The following PLEKHA6 variants were observed in gnomAD, a reference collection of about 807,000 sequenced individuals.
PLEKHA6 encodes the protein pleckstrin homology domain-containing family A member 6.
Under a neutral mutation model 116.7 loss-of-function variants are expected in PLEKHA6, and 60 were observed. The ratio of observed to expected loss-of-function variants is 0.51; its 90% CI spans 0.42 to 0.64. The LOEUF (loss-of-function observed/expected upper bound fraction) is 0.64, where lower values mean the gene tolerates loss of function less well. Ranked by LOEUF, PLEKHA6 falls within the 30% of genes least tolerant of loss-of-function variation. The pLI is 0.00. For missense variants in PLEKHA6, 1,338 were observed against 1,422.7 expected, an observed-to-expected ratio of 0.94 and a Z score of 0.96; for synonymous variants, 489 against 556.1, an observed-to-expected ratio of 0.88 and a Z score of 1.70.
intron 7 of PLEKHA6, among the ~76,000 whole-genome samples, chr1:204,260,912 C>G (rs937406630): frequency 1.3e-5 from 2 of 152,164 alleles, no homozygotes; most frequent in African/African-American, 4.8e-5. Context: ...AGGGTGAGTC[C>G]CTTGCACTGA....
intron 1 of PLEKHA6, chr1:204,311,520 C>T (rs1671658255): frequency 4.6e-6 from 3 of 651,646 alleles, no homozygotes; most frequent in East Asian, 1.4e-4. Flanking sequence ...TCTGCTTCTA[C>T]TCATTGTTTC....
rs370455948 is a variant in PLEKHA6, at chr1:204,225,210, A to T, written c.3032-1625T>A. Among the ~76,000 whole-genome samples the T allele has an allele frequency of 5.9e-5, 9 of 152,332 alleles. No homozygotes were observed. The East Asian group carries it at 1.7e-3, about 29-fold the overall frequency. The stretch of plus-strand genomic sequence containing the variant: ...GAACATTTAGCATAGCTACAAACAG[A>T]TCTATGTCCATTGTGGCCCTAAGGG... On this transcript the variant is annotated intron_variant, in intron 21 of 22. Transcript: ENST00000272203.
At position 204,267,427 on chromosome 1, in the gene PLEKHA6, T is replaced by C. The variant is rs375344793; in HGVS notation, c.280+48A>G. ...GATATGGCAGAATGAGAAAGAGTAGTGGGTCCTGGCTTCCTGCCATCCCTG... is the reference window on the plus strand; with the variant it reads ...GATATGGCAGAATGAGAAAGAGTAGCGGGTCCTGGCTTCCTGCCATCCCTG... On this transcript the variant is annotated intron_variant, in intron 5 of 22. Transcript: ENST00000272203. The C allele has an allele frequency of 2.6e-6, 4 of 1,516,028 alleles. No homozygotes were observed. The Admixed American group carries it at 5.0e-5, about 19-fold the overall frequency. The allele number at this position is 1,516,028 out of a possible 1,614,324, so 93.9% of individuals were successfully genotyped here.
chr1:204,254,478 T>C (rs1424582350), intron 9 of PLEKHA6, among the ~76,000 whole-genome samples: 1 of 152,192 alleles, frequency 6.6e-6, no homozygotes, highest in Non-Finnish European at 1.5e-5. Context: ...GAGCATGAAC[T>C]CATCCTAATG....
intron 1 of PLEKHA6, among the ~76,000 whole-genome samples, chr1:204,282,301 C>T (rs545336018): frequency 3.3e-5 from 5 of 152,314 alleles, no homozygotes; most frequent in Admixed American, 3.3e-4. Context: ...TGACCTCCCA[C>T]CCTAGCTTGG....
intron 12 of PLEKHA6, among the ~76,000 whole-genome samples, chr1:204,248,484 C>G (rs190812191): frequency 5.7e-4 from 87 of 152,318 alleles, no homozygotes; most frequent in African/African-American, 1.9e-3. Context: ...TGCTTTGCTT[C>G]TCCGAGGGAG....
intron 1 of PLEKHA6, among the ~76,000 whole-genome samples, chr1:204,331,196 T>C (rs1672435096): frequency 8.5e-6 from 1 of 117,670 alleles, no homozygotes; most frequent in Non-Finnish European, 1.7e-5. Flanking sequence ...TGAGACTCTG[T>C]CTCAAAAAAA....
chr1:204,360,437 G>A (rs1282562042), upstream of PLEKHA6, among the ~76,000 whole-genome samples: 1 of 151,562 alleles, frequency 6.6e-6, no homozygotes, highest in Non-Finnish European at 1.5e-5. Context: ...AGGGTTGGGG[G>A]CCACTATGAG....
intron 1 of PLEKHA6, among the ~76,000 whole-genome samples, chr1:204,294,083 T>G (rs1448922022): frequency 2.0e-5 from 3 of 152,164 alleles, no homozygotes; most frequent in Non-Finnish European, 4.4e-5. Context: ...AAAGAGAAGA[T>G]GAAGAAAGAG....
chr1:204,266,972 A>G (rs544203459), intron 5 of PLEKHA6, among the ~76,000 whole-genome samples: 1 of 152,336 alleles, frequency 6.6e-6, no homozygotes, highest in South Asian at 2.1e-4. Flanking sequence ...CTCATTCAGT[A>G]TTGACTGAGC....
intron 2 of PLEKHA6, chr1:204,274,440 C>T (rs1667808501): frequency 5.3e-6 from 1 of 187,274 alleles, no homozygotes; most frequent in Admixed American, 6.5e-5. Flanking sequence ...GCGCTTCCGT[C>T]AAAGGCCCCT....
At chr1:204,239,920 C>T (rs1388720362) in intron 17 of PLEKHA6, among the ~76,000 whole-genome samples, 1 of 152,208 alleles carries the variant, frequency 6.6e-6, no homozygotes, top group East Asian at 1.9e-4. Context: ...GCTTCCTTTT[C>T]CCATGACATT....
At chr1:204,340,364 C>T (rs1372305163) in intron 1 of PLEKHA6, among the ~76,000 whole-genome samples, 1 of 152,162 alleles carries the variant, frequency 6.6e-6, no homozygotes, top group Admixed American at 6.5e-5. Context: ...GTCTGAGAGG[C>T]GGCTGCTGGG....
At chr1:204,243,049 C>T (rs1663064105) in intron 15 of PLEKHA6, 3 of 399,092 alleles carry the variant, frequency 7.5e-6, no homozygotes, top group African/African-American at 2.1e-5. Flanking sequence ...CTGCCTTGCC[C>T]CTTGGCCTGG....
intron 21 of PLEKHA6, among the ~76,000 whole-genome samples, chr1:204,224,165 A>G (rs1180587984): frequency 6.6e-6 from 1 of 152,116 alleles, no homozygotes; most frequent in Non-Finnish European, 1.5e-5. Context: ...CCTTTTCATC[A>G]GTCCAGTAAA....
chr1:204,227,726 AT>A (rs1445239767), intron 21 of PLEKHA6, among the ~76,000 whole-genome samples: 4 of 152,094 alleles, frequency 2.6e-5, no homozygotes, highest in Non-Finnish European at 4.4e-5. Flanking sequence ...ACTGAGAAAT[AT>A]TTTTATCTTT....
chr1:204,333,608 T>A lies in PLEKHA6; in HGVS notation c.-95+26086A>T, dbSNP rs191801102. Among the ~76,000 whole-genome samples the A allele has an allele frequency of 2.2e-3, 331 of 152,282 alleles. 1 individual carries two copies. Among genetic ancestry groups the A allele is most frequent in the African/African-American group, 7.5e-3 (313 of 41,560 alleles). ...ATAGTGAATGATCTGAAGTTACACA[T>A]CCTTAGGGAAGTGTCAAAGCCAGCT... is the stretch of plus-strand genomic sequence containing the variant. On this transcript the variant is annotated intron_variant, in intron 1 of 22. Transcript: ENST00000272203.
chr1:204,243,648 C>A (rs1663172364), intron 15 of PLEKHA6, among the ~76,000 whole-genome samples: 1 of 152,152 alleles, frequency 6.6e-6, no homozygotes, highest in East Asian at 1.9e-4. Flanking sequence ...CTGGTTTAGG[C>A]CCCACTGTCT....
Position 204,291,017 on chromosome 1 carries a change from G to T in PLEKHA6, c.-94-16208C>A, listed in dbSNP as rs9727418. Reference sequence around the variant, plus strand: ...AAAAAAAAAAAAAAGACATTGTTACGAAAATGAAAAAGTAAGCCATAAACA... The same window carrying T: ...AAAAAAAAAAAAAAGACATTGTTACTAAAATGAAAAAGTAAGCCATAAACA... On this transcript the variant is annotated intron_variant, in intron 1 of 22. Coordinates refer to ENST00000272203, the MANE Select transcript of PLEKHA6 (RefSeq NM_014935.5). Among the ~76,000 whole-genome samples, 313 of 133,610 alleles carry T rather than the reference G, an allele frequency of 2.3e-3. 1 individual carries two copies. The highest frequency in any genetic ancestry group is 7.0e-3 in the African/African-American group (267 of 38,078). The allele number at this position is 133,610 out of a possible 152,430, so 87.7% of individuals were successfully genotyped here.
Sources: allele counts gnomAD v4.1 joint callset (sites outside exome capture counted in the v4.1 genomes callset), GRCh38; gene constraint gnomAD v4.1.1; transcripts MANE v1.5; gene names NCBI Gene and HGNC (gene_info 2026-07-23, HGNC 2026-07-21).